Variants in AMDHD2 observed in about 807,000 individuals in gnomAD.
AMDHD2 encodes amidohydrolase domain containing 2.
A neutral mutation model predicts 41.8 loss-of-function variants in AMDHD2; 24 were observed. That is an observed-to-expected ratio of 0.57 (90% CI 0.42 to 0.81). The LOEUF (loss-of-function observed/expected upper bound fraction) is 0.81, where lower values mean the gene tolerates loss of function less well. Among genes scored for constraint, AMDHD2 ranks in the 30% least tolerant of loss-of-function variants. The pLI is 0.00. For missense variants in AMDHD2, 540 were observed against 588.5 expected, an observed-to-expected ratio of 0.92 and a Z score of 0.85; for synonymous variants, 332 against 255.5, an observed-to-expected ratio of 1.30 and a Z score of -2.85.
intron 10 of AMDHD2, 34 bp from the exon 11 acceptor site, chr16:2,529,441 C>T (rs537732413): frequency 1.9e-6 from 3 of 1,605,652 alleles, no homozygotes; most frequent in Non-Finnish European, 1.7e-6. Flanking sequence ...CGGCCCCACT[C>T]CTGCCCCCTA....
At position 2,530,055 on chromosome 16, in the gene AMDHD2, T is replaced by C; in HGVS notation, c.*492T>C. 2 of 829,540 alleles carry C rather than the reference T, an allele frequency of 2.4e-6. No homozygotes were observed. The highest frequency in any genetic ancestry group is 2.0e-5 in the South Asian group (1 of 50,424). 51.4% of individuals were successfully genotyped at this position (829,540 alleles called of 1,614,324 possible). A position where few individuals can be genotyped will look rare whatever the true frequency, so the allele number is the denominator to read the frequency against. On this transcript the variant is annotated 3_prime_UTR_variant, in exon 11 of 11. Transcript: ENST00000293971. ...CAGTCAGGGGTTTGCTTTCTGCTCC[T>C]GAGTTGGGGTGTGCAGCGTGGAGCC...
rs79379654 is a variant in AMDHD2 at position 2,530,835 on chromosome 16, C to T, written c.*1272C>T. ...AGGGGCAGCCCAGGAAAGCAGGCGA[C>T]GGATGTGGATCCTGACCTCCTGAGA... On this transcript the variant is annotated 3_prime_UTR_variant, in exon 11 of 11. Coordinates refer to ENST00000293971, the MANE Select transcript of AMDHD2 (RefSeq NM_001330449.2). 2.5e-4 allele frequency: 398 copies of T among 1,613,790 alleles called. 3 individuals carry two copies. In the African/African-American group the frequency reaches 4.3e-3, roughly 17 times the overall value.
rs1596998603 is a variant in AMDHD2, at chr16:2,528,400, C to T, written c.862+20C>T. 1 of 1,612,846 alleles carries T rather than the reference C, an allele frequency of 6.2e-7. No individual in the cohort carries two copies. The highest frequency in any genetic ancestry group is 8.5e-7 in the Non-Finnish European group (1 of 1,179,930). On this transcript the variant is annotated intron_variant, in intron 7 of 10. Transcript: ENST00000293971. The stretch of plus-strand genomic sequence containing the variant: ...CCCAGGGTAAGCTGCGGCAGGTGGC[C>T]AGGACAGGTAGGATGACTGGGCTAG...
Position 2,529,049 on chromosome 16 carries a change from G to A in AMDHD2, c.1095G>A (p.Leu365=), listed in dbSNP as rs56015787. 8.5e-3 allele frequency: 13,587 copies of A among 1,600,034 alleles called. 84 individuals are homozygous for A. The highest frequency in any genetic ancestry group is 0.011 in the Non-Finnish European group (12,957 of 1,173,988). ...CATCCCTGCACCCCGCCCAGTTGCT[G>A]GGGCTGGAGAAGAGTAAGGGGACCC... is the stretch of plus-strand genomic sequence containing the variant. The part of the protein sequence containing the change: ...EAASLHPAQL[L]GLEKSKGTLD... The change falls in exon 10 of 11, where the codon CTG becomes CTA. Residue 365 remains leucine (L), a synonymous_variant. Coordinates refer to ENST00000293971, the MANE Select transcript of AMDHD2 (RefSeq NM_001330449.2).
At position 2,530,123 on chromosome 16, in the gene AMDHD2, C is replaced by G; in HGVS notation, c.*560C>G. The G allele has an allele frequency of 7.6e-7, 1 of 1,322,214 alleles. No individual in the cohort carries two copies. Among genetic ancestry groups the G allele is most frequent in the Non-Finnish European group, 1.0e-6 (1 of 991,972 alleles). 81.9% of individuals were successfully genotyped at this position (1,322,214 alleles called of 1,614,324 possible). On this transcript the variant is annotated 3_prime_UTR_variant, in exon 11 of 11. Coordinates refer to ENST00000293971, the MANE Select transcript of AMDHD2 (RefSeq NM_001330449.2). ...CCAGGGCACAGTGCCAGGGGCTCCG[C>G]TCTGACCTCCAGGAGGGAGACTGGG...
chr16:2,530,000 A>T lies in AMDHD2; in HGVS notation c.*437A>T, dbSNP rs576558405. The stretch of plus-strand genomic sequence containing the variant: ...CATGGGCTGGGGGTGAAGAGCCGGC[A>T]GGAAGGGGACCAGTCACAGGGAGTG... On this transcript the variant is annotated 3_prime_UTR_variant, in exon 11 of 11. Transcript: ENST00000293971. 3.3e-4 allele frequency: 239 copies of T among 730,558 alleles called. No homozygotes were observed. Among genetic ancestry groups the T allele is most frequent in the Middle Eastern group, 7.9e-4 (2 of 2,534 alleles). 45.3% of individuals were successfully genotyped at this position (730,558 alleles called of 1,614,324 possible).
At position 2,531,312 on chromosome 16, in the gene AMDHD2, G is replaced by T; in HGVS notation, c.*1749G>T. 1.8e-6 allele frequency: 1 copy of T among 551,394 alleles called. No individual in the cohort carries two copies. Among genetic ancestry groups the T allele is most frequent in the Non-Finnish European group, 3.3e-6 (1 of 303,328 alleles). The allele number at this position is 551,394 out of a possible 1,614,324, so 34.2% of individuals were successfully genotyped here. A position where few individuals can be genotyped will look rare whatever the true frequency, so the allele number is the denominator to read the frequency against. On this transcript the variant is annotated 3_prime_UTR_variant, in exon 11 of 11. Transcript: ENST00000293971. ...CAGGGTGAGAGAGAGCTGGGCCAGGGAGCTGCTGCAGGATGATTTTGAGGT... is the reference window on the plus strand; with the variant it reads ...CAGGGTGAGAGAGAGCTGGGCCAGGTAGCTGCTGCAGGATGATTTTGAGGT...
rs370892920 is a variant in AMDHD2, at chr16:2,528,095, G to A, written c.664G>A (p.Ala222Thr). The A allele has an allele frequency of 6.2e-7, 1 of 1,612,980 alleles. No homozygotes were observed. The highest frequency in any genetic ancestry group is 8.5e-7 in the Non-Finnish European group (1 of 1,179,884). ...GGCTGACCTGCGGGCGGCAGAGGAT[G>A]CTGTGTGGAGCGGAGCCACCTTCAT... ...SVADLRAAED[A>T]VWSGATFITH... Residue 222 changes from alanine to threonine, a missense_variant, in exon 6 of 11, where the codon GCT becomes ACT. Transcript: ENST00000293971.
Position 2,530,483 on chromosome 16 carries a change from AGACGTC to A in AMDHD2, c.*921_*926del, listed in dbSNP as rs1361908066. 3.1e-6 allele frequency: 5 copies of A among 1,614,158 alleles called. No individual in the cohort carries two copies. The highest frequency in any genetic ancestry group is 4.2e-6 in the Non-Finnish European group (5 of 1,180,002). ...CTCTGAGGACAGCCACAGTGGGGTC[AGACGTC>A]AGGGATTGGTGCAGCCCCACGTCAG... On this transcript the variant is annotated 3_prime_UTR_variant, in exon 11 of 11. Transcript: ENST00000293971.
intron 2 of AMDHD2, 31 bp from the exon 3 acceptor site, chr16:2,520,953 C>A: frequency 1.1e-5 from 17 of 1,596,716 alleles, no homozygotes; most frequent in Non-Finnish European, 1.5e-5. Context: ...GCTCTGAGCT[C>A]CATGCGACAC....
Position 2,529,761 on chromosome 16 carries a change from T to C in AMDHD2, c.*198T>C. The C allele has an allele frequency of 6.9e-7, 1 of 1,439,362 alleles. No individual in the cohort carries two copies. The highest frequency in any genetic ancestry group is 2.5e-5 in the East Asian group (1 of 39,934). 89.2% of individuals were successfully genotyped at this position (1,439,362 alleles called of 1,614,324 possible). A position where few individuals can be genotyped will look rare whatever the true frequency, so the allele number is the denominator to read the frequency against. On this transcript the variant is annotated 3_prime_UTR_variant, in exon 11 of 11. Coordinates refer to ENST00000293971, the MANE Select transcript of AMDHD2 (RefSeq NM_001330449.2). ...CCTTGGCTCCGGGTTTTGCTTGTGC[T>C]CACATGTGGCACCATCCTTGGTTGC...
Position 2,527,839 on chromosome 16 carries a change from G to A in AMDHD2, c.482G>A (p.Arg161His). 6.3e-7 allele frequency: 1 copy of A among 1,596,534 alleles called. No homozygotes were observed. Among genetic ancestry groups the A allele is most frequent in the Non-Finnish European group, 8.5e-7 (1 of 1,178,336 alleles). ...GGCGCGCACCCCGAGGCCCACCTCC[G>A]CTCCTTCGAGGCCGATGCCTTCCAG... The part of the protein sequence containing the change: ...KRGAHPEAHL[R>H]SFEADAFQDL... Residue 161 changes from arginine to histidine, a missense_variant, in exon 5 of 11, where the codon CGC (arginine) becomes CAC (histidine). Arg to His is a conservative substitution (Grantham distance 29). Transcript: ENST00000293971. This position sits in a 1 kb window ranked among gnomAD's most constrained non-coding sequence, Gnocchi z 6.1.
chr16:2,528,383 A>G lies in AMDHD2; in HGVS notation c.862+3A>G. On this transcript the variant is annotated splice_donor_region_variant and intron_variant, in intron 7 of 10. Transcript: ENST00000293971. Reference sequence around the variant, plus strand: ...CGCCCACCGTGCCCATCCCCAGGGTAAGCTGCGGCAGGTGGCCAGGACAGG... The same window carrying G: ...CGCCCACCGTGCCCATCCCCAGGGTGAGCTGCGGCAGGTGGCCAGGACAGG... 5.0e-6 allele frequency: 8 copies of G among 1,612,906 alleles called. No homozygotes were observed. Among genetic ancestry groups the G allele is most frequent in the African/African-American group, 1.3e-5 (1 of 75,046 alleles).
intron 9 of AMDHD2, 86 bp downstream of exon 9, chr16:2,528,804 C>G: frequency 6.3e-7 from 1 of 1,582,726 alleles, no homozygotes; most frequent in Middle Eastern, 1.7e-4. Flanking sequence ...GACTGTAGCC[C>G]AAGCTCTGCC....
In AMDHD2 at chr16:2,530,553, G is replaced by C; in HGVS notation, c.*990G>C. The C allele has an allele frequency of 6.2e-7, 1 of 1,614,210 alleles. No individual in the cohort carries two copies. Among genetic ancestry groups the C allele is most frequent in the Non-Finnish European group, 8.5e-7 (1 of 1,180,024 alleles). On this transcript the variant is annotated 3_prime_UTR_variant, in exon 11 of 11. Transcript: ENST00000293971. ...GACTTTCTCTCCATTTGAGTTCTGGGGTGGGTGGCTCCCTTCCCCCTTGCT... is the reference window on the plus strand; with the variant it reads ...GACTTTCTCTCCATTTGAGTTCTGGCGTGGGTGGCTCCCTTCCCCCTTGCT...
At chr16:2,522,844 CTTTTT>C (rs77502200) in intron 3 of AMDHD2, among the ~76,000 whole-genome samples, 1 of 135,072 alleles carries the variant, frequency 7.4e-6, no homozygotes, top group Non-Finnish European at 1.6e-5. Flanking sequence ...TAGTACTTAA[CTTTTT>C]TTTTTTTTTT....
chr16:2,527,444 G>A lies in AMDHD2; in HGVS notation c.361-117G>A, dbSNP rs1475562488. ...GACCCCTGTGAGGGGACAGGCGGCC[G>A]GGGCTGGGCTGGGTGCTGGGCTCTG... On this transcript the variant is annotated intron_variant, in intron 3 of 10. Transcript: ENST00000293971. The surrounding 1 kb of genome is among the most constrained non-coding windows in gnomAD (Gnocchi z 6.1). 17 of 1,121,742 alleles carry A rather than the reference G, an allele frequency of 1.5e-5. No individual in the cohort carries two copies. Among genetic ancestry groups the A allele is most frequent in the East Asian group, 2.5e-5 (1 of 39,272 alleles). The allele number at this position is 1,121,742 out of a possible 1,614,324, so 69.5% of individuals were successfully genotyped here. A position where few individuals can be genotyped will look rare whatever the true frequency, so the allele number is the denominator to read the frequency against.
Position 2,530,461 on chromosome 16 carries a change from T to G in AMDHD2, c.*898T>G. On this transcript the variant is annotated 3_prime_UTR_variant, in exon 11 of 11. Transcript: ENST00000293971. ...TGGGCTTCTGGAGCCCTCTTGGCTC[T>G]GAGGACAGCCACAGTGGGGTCAGAC... 1 of 1,614,158 alleles carries G rather than the reference T, an allele frequency of 6.2e-7. No homozygotes were observed. Among genetic ancestry groups the G allele is most frequent in the Non-Finnish European group, 8.5e-7 (1 of 1,180,018 alleles).
chr16:2,524,527 C>T (rs188928370), intron 3 of AMDHD2, among the ~76,000 whole-genome samples: 27 of 152,358 alleles, frequency 1.8e-4, no homozygotes, highest in Non-Finnish European at 3.7e-4. Flanking sequence ...ATGTAGCGCC[C>T]TCTTGCTCCC....
Sources: gnomAD v4.1 joint callset for allele counts (sites outside exome capture counted in the v4.1 genomes callset) on GRCh38, gnomAD v4.1.1 for gene constraint, Gnocchi (gnomAD v3.1) non-coding constraint, MANE v1.5 for transcripts, NCBI Gene and HGNC (gene_info 2026-07-23, HGNC 2026-07-21) for gene names.